The following CFAP47 variants were observed in gnomAD, a reference collection of about 807,000 sequenced individuals.
CFAP47 encodes the protein cilia- and flagella-associated protein 47.
In CFAP47, 29 loss-of-function variants were observed where a neutral mutation model predicts 148.1. The ratio of observed to expected loss-of-function variants is 0.20; its 90% CI spans 0.15 to 0.27. The LOEUF is 0.27. Among genes scored for constraint, CFAP47 ranks in the 10% least tolerant of loss-of-function variants. The pLI is 1.00. For missense variants in CFAP47, 1,872 were observed against 1,697.5 expected (o/e 1.10, Z -1.81); for synonymous variants, 664 against 577.3 (o/e 1.15, Z -2.15).
chrX:35,985,919 T>C, intron 15 of CFAP47: 1 of 339,133 alleles, frequency 2.9e-6, no homozygotes, highest in South Asian at 2.8e-5. Context: ...CATTAGCTTA[T>C]TTAATCCCCA....
At position 36,073,382 on chromosome X, in the gene CFAP47, C is replaced by G; in HGVS notation, c.4691+18C>G. The G allele has an allele frequency of 9.5e-7, 1 of 1,057,903 alleles. No homozygotes were observed. The highest frequency in any genetic ancestry group is 1.3e-6 in the Non-Finnish European group (1 of 764,876). 87.2% of individuals were successfully genotyped at this position (1,057,903 alleles called of 1,213,427 possible). On this transcript the variant is annotated intron_variant, in intron 29 of 63. Coordinates refer to ENST00000378653, the MANE Select transcript of CFAP47 (RefSeq NM_001304548.2). ...ATAAGAAGGTGAGAGTCCCATGTTT[C>G]TCTAAATTCTTTGCTTCATATCACA...
chrX:35,934,854 A>G (rs1311136988), intron 2 of CFAP47, among the ~76,000 whole-genome samples: 1 of 111,411 alleles, frequency 9.0e-6, no homozygotes, highest in Non-Finnish European at 1.9e-5. Flanking sequence ...TAGAAATGTT[A>G]TGTGTGAGCT....
intron 1 of CFAP47, among the ~76,000 whole-genome samples, 200 bp from the exon 2 acceptor site, chrX:35,925,817 C>T (rs762656534): frequency 9.7e-4 from 108 of 111,687 alleles, no homozygotes; most frequent in African/African-American, 2.2e-3. Context: ...CCACCACGCC[C>T]GGCTAGTTTT....
At chrX:36,382,353 G>T (rs1942085317) in intron 63 of CFAP47, among the ~76,000 whole-genome samples, 2 of 111,814 alleles carry the variant, frequency 1.8e-5, no homozygotes, top group African/African-American at 6.5e-5. Context: ...CTCAGGGATT[G>T]TTCAAACTCT....
chrX:36,046,158 T>A (rs780175409), intron 25 of CFAP47, among the ~76,000 whole-genome samples: 176 of 110,891 alleles, frequency 1.6e-3, no homozygotes, highest in African/African-American at 5.5e-3. Context: ...TGATGATACC[T>A]CTTATCTGCC....
intron 30 of CFAP47, among the ~76,000 whole-genome samples, chrX:36,096,513 C>T (rs1374481553): frequency 9.0e-6 from 1 of 111,315 alleles, no homozygotes; most frequent in Non-Finnish European, 1.9e-5. Flanking sequence ...CTTTATATAT[C>T]TGGGTGTTAC....
At chrX:36,142,644 T>G (rs765991429) in intron 35 of CFAP47, among the ~76,000 whole-genome samples, 2 of 112,046 alleles carry the variant, frequency 1.8e-5, no homozygotes, top group Non-Finnish European at 3.8e-5. Context: ...AATGCTCTTT[T>G]ATTTGGTTTT....
At chrX:36,342,954 C>T (rs1320090229) in intron 57 of CFAP47, among the ~76,000 whole-genome samples, 1 of 110,863 alleles carries the variant, frequency 9.0e-6, no homozygotes, top group Admixed American at 9.7e-5. Context: ...TAATGATCTC[C>T]CTCTCCTTTT....
chrX:36,268,781 A>C (rs1257341891), intron 49 of CFAP47, among the ~76,000 whole-genome samples: 1 of 112,056 alleles, frequency 8.9e-6, no homozygotes, highest in African/African-American at 3.2e-5. Flanking sequence ...GGTTTTTCTC[A>C]TGTAAGACAT....
chrX:36,319,475 C>CATATAT (rs782171431), intron 57 of CFAP47, among the ~76,000 whole-genome samples, 168 bp downstream of exon 57: 1 of 105,365 alleles, frequency 9.5e-6, no homozygotes, highest in African/African-American at 3.4e-5. Context: ...GATGGTAAAA[C>CATATAT]ATATATATAT....
chrX:36,021,471 T>A (rs1937157817), intron 22 of CFAP47, among the ~76,000 whole-genome samples: 2 of 109,905 alleles, frequency 1.8e-5, no homozygotes, highest in African/African-American at 6.6e-5. Context: ...CCTGGCTAAT[T>A]TTTTGTGTTT....
intron 22 of CFAP47, among the ~76,000 whole-genome samples, chrX:36,027,793 T>C (rs749933481): frequency 8.9e-6 from 1 of 111,997 alleles, no homozygotes; most frequent in African/African-American, 3.2e-5. Context: ...AAGTGTTCAC[T>C]TTTTTTCCAT....
intron 15 of CFAP47, among the ~76,000 whole-genome samples, chrX:35,986,749 G>A (rs920076680): frequency 9.0e-6 from 1 of 111,197 alleles, no homozygotes; most frequent in African/African-American, 3.3e-5. Flanking sequence ...GTGGATTTAT[G>A]TACCTTTGGT....
Position 36,299,009 on chromosome X carries a change from T to A in CFAP47, c.7719T>A (p.Asn2573Lys). The change falls in exon 52 of 64, where the codon AAT (asparagine) becomes AAA (lysine). Residue 2573 changes from asparagine to lysine, a missense_variant. Asn to Lys is a moderately conservative substitution (Grantham distance 94). Transcript: ENST00000378653. Reference sequence around the variant, plus strand: ...CTTGCATTGAAATACCTCTCTCTAATCCAAAAGATAGAGGTCTTCACTTAG... The same window carrying A: ...CTTGCATTGAAATACCTCTCTCTAAACCAAAAGATAGAGGTCTTCACTTAG... Reference protein sequence around the residue: ...DSTCIEIPLSNPKDRGLHLEV... With the variant: ...DSTCIEIPLSKPKDRGLHLEV... 8.7e-7 allele frequency: 1 copy of A among 1,155,768 alleles called. No homozygotes were observed. The highest frequency in any genetic ancestry group is 1.2e-6 in the Non-Finnish European group (1 of 863,368).
intron 57 of CFAP47, among the ~76,000 whole-genome samples, chrX:36,328,432 C>CT (rs2146970946): frequency 8.9e-6 from 1 of 112,187 alleles, no homozygotes; most frequent in African/African-American, 3.2e-5. Flanking sequence ...TCCCAATATG[C>CT]TTTTTTGTAG....
rs775849928 is a variant in CFAP47, at chrX:36,071,823, A to C, written c.4319-2A>C. 233 of 1,201,078 alleles carry C rather than the reference A, an allele frequency of 1.9e-4. No homozygotes were observed. The highest frequency in any genetic ancestry group is 2.6e-4 in the Non-Finnish European group (229 of 890,927). ...TACTGTGATCCAATGTGTCATTTGT[A>C]GATAAGGATGAATATCTTAAGAAGA... On this transcript the variant is annotated splice_acceptor_variant, in intron 27 of 63. Transcript: ENST00000378653. LOFTEE classifies it high-confidence loss of function.
intron 57 of CFAP47, among the ~76,000 whole-genome samples, chrX:36,320,493 T>G (rs1556011833): frequency 2.7e-5 from 3 of 111,973 alleles, no homozygotes; most frequent in Non-Finnish European, 1.9e-5. Flanking sequence ...TCTCACTGAA[T>G]TATGGAGAGT....
At position 35,955,586 on chromosome X, in the gene CFAP47, GA is replaced by G. The variant is rs766657778; in HGVS notation, c.1175-373del. ...TTGGCTCAAGTATCTCCCTATCAGA[GA>G]AGCCTTTTTGGACATCTCTACATAA... On this transcript the variant is annotated intron_variant, in intron 7 of 63. Coordinates refer to ENST00000378653, the MANE Select transcript of CFAP47 (RefSeq NM_001304548.2). Among the ~76,000 whole-genome samples, 304 of 111,515 alleles carry G rather than the reference GA, an allele frequency of 2.7e-3. 3 individuals carry two copies. Among genetic ancestry groups the G allele is most frequent in the African/African-American group, 9.1e-3 (281 of 30,774 alleles).
chrX:36,078,171 T>A (rs1937902065), intron 29 of CFAP47, among the ~76,000 whole-genome samples: 1 of 112,221 alleles, frequency 8.9e-6, no homozygotes, highest in South Asian at 3.7e-4. Context: ...GAGAAGAATG[T>A]ATATTCTGTT....
Sources: allele counts gnomAD v4.1 joint callset (sites outside exome capture counted in the v4.1 genomes callset), GRCh38; gene constraint gnomAD v4.1.1; transcripts MANE v1.5; gene names NCBI Gene and HGNC (gene_info 2026-07-23, HGNC 2026-07-21).